TBC1D22A: variants seen among roughly 807,000 people sequenced by gnomAD.
The protein encoded by TBC1D22A is putative GTPase activator.
In TBC1D22A, 38 loss-of-function variants were observed where a neutral mutation model predicts 60.2. That is an observed-to-expected ratio of 0.63 (90% CI 0.49 to 0.83). TBC1D22A has a LOEUF of 0.83. Ranked by LOEUF, TBC1D22A falls within the 40% of genes least tolerant of loss-of-function variation. The pLI, the probability that TBC1D22A is intolerant of heterozygous loss-of-function variation, is 0.00. For synonymous variants in TBC1D22A, 302 were observed against 281.7 expected, an observed-to-expected ratio of 1.07 and a Z score of -0.72; for missense variants, 628 against 701.0, an observed-to-expected ratio of 0.90 and a Z score of 1.18.
At chr22:46,895,751 T>C (rs1023190486) in intron 7 of TBC1D22A, among the ~76,000 whole-genome samples, 1 of 152,232 alleles carries the variant, frequency 6.6e-6, no homozygotes, top group African/African-American at 2.4e-5. Flanking sequence ...TTCCTCACTC[T>C]CCTTCGTCTT....
At position 46,894,854 on chromosome 22, in the gene TBC1D22A, G is replaced by T. The variant is rs748831813; in HGVS notation, c.900+8G>T. ...CAGCCCAAGGTGACGGAGGTAAGAAGCTCTTGCCGTGGGGAGTTCCCCTCG... is the reference window on the plus strand; with the variant it reads ...CAGCCCAAGGTGACGGAGGTAAGAATCTCTTGCCGTGGGGAGTTCCCCTCG... On this transcript the variant is annotated splice_region_variant and intron_variant, in intron 7 of 12. Coordinates refer to ENST00000337137, the MANE Select transcript of TBC1D22A (RefSeq NM_014346.5). 6.2e-7 allele frequency: 1 copy of T among 1,614,170 alleles called. No homozygotes were observed. The highest frequency in any genetic ancestry group is 2.2e-5 in the East Asian group (1 of 44,880).
intron 12 of TBC1D22A, among the ~76,000 whole-genome samples, chr22:47,133,164 G>C (rs957328166): frequency 2.0e-4 from 30 of 152,358 alleles, no homozygotes; most frequent in African/African-American, 7.2e-4. Context: ...AGCATAAATT[G>C]TGGATTAGAA....
At chr22:47,142,267 C>G (rs1245510735) in intron 12 of TBC1D22A, among the ~76,000 whole-genome samples, 1 of 137,370 alleles carries the variant, frequency 7.3e-6, no homozygotes. Flanking sequence ...CCCACCCACC[C>G]ACTCATCCAC....
At chr22:47,124,494 G>C (rs1040272197) in intron 12 of TBC1D22A, among the ~76,000 whole-genome samples, 4 of 152,238 alleles carry the variant, frequency 2.6e-5, no homozygotes, top group African/African-American at 9.6e-5. Flanking sequence ...ACCTGGGCCT[G>C]GCATGGGCAT....
At chr22:46,950,945 G>T (rs2072866424) in intron 8 of TBC1D22A, among the ~76,000 whole-genome samples, 1 of 152,156 alleles carries the variant, frequency 6.6e-6, no homozygotes, top group Non-Finnish European at 1.5e-5. Flanking sequence ...CACATTCCTT[G>T]TAAGTGTTCG....
rs935067335 is a variant in TBC1D22A at position 47,173,933 on chromosome 22, G to A, written c.*307G>A. 8 of 297,182 alleles carry A rather than the reference G, an allele frequency of 2.7e-5. No individual in the cohort carries two copies. The highest frequency in any genetic ancestry group is 1.4e-4 in the Admixed American group (3 of 21,380). The allele number at this position is 297,182 out of a possible 1,614,324, so 18.4% of individuals were successfully genotyped here. A position where few individuals can be genotyped will look rare whatever the true frequency, so the allele number is the denominator to read the frequency against. On this transcript the variant is annotated 3_prime_UTR_variant, in exon 13 of 13. Coordinates refer to ENST00000337137, the MANE Select transcript of TBC1D22A (RefSeq NM_014346.5). The stretch of plus-strand genomic sequence containing the variant: ...CCTTGCCAAATGACTGCCTCGTGCT[G>A]CCCCTAGTCCGGGGCAGCCTAGGAG...
At chr22:47,000,886 T>C (rs750321346) in intron 10 of TBC1D22A, among the ~76,000 whole-genome samples, 1 of 152,070 alleles carries the variant, frequency 6.6e-6, no homozygotes, top group Non-Finnish European at 1.5e-5. Context: ...ATTGAATTGC[T>C]ATCTACAAAA....
chr22:46,910,884 G>C (rs888165772), intron 7 of TBC1D22A, among the ~76,000 whole-genome samples: 1 of 150,334 alleles, frequency 6.7e-6, no homozygotes, highest in East Asian at 1.9e-4. Context: ...TCCAGGCAGC[G>C]GTAGGAGTAC....
At chr22:46,868,455 A>G (rs2067155749) in intron 4 of TBC1D22A, among the ~76,000 whole-genome samples, 1 of 152,198 alleles carries the variant, frequency 6.6e-6, no homozygotes, top group South Asian at 2.1e-4. Flanking sequence ...ATATATATGC[A>G]AATATTCTAA....
chr22:47,105,689 A>T (rs961986106), intron 11 of TBC1D22A, among the ~76,000 whole-genome samples: 1 of 152,244 alleles, frequency 6.6e-6, no homozygotes, highest in Non-Finnish European at 1.5e-5. Flanking sequence ...CAAGCTAAAA[A>T]TTTGGTTTAA....
chr22:46,830,047 G>A (rs1205502692), intron 4 of TBC1D22A, among the ~76,000 whole-genome samples: 2 of 152,238 alleles, frequency 1.3e-5, no homozygotes, highest in African/African-American at 4.8e-5. Flanking sequence ...TGCTGTGAGC[G>A]CAGAGCCCTG....
intron 12 of TBC1D22A, among the ~76,000 whole-genome samples, chr22:47,139,393 G>T (rs1016117012): frequency 6.6e-6 from 1 of 152,234 alleles, no homozygotes; most frequent in Non-Finnish European, 1.5e-5. Flanking sequence ...CTCGAGACAG[G>T]TGTTCACCCA....
rs531697882 is a variant in TBC1D22A, at chr22:47,014,362, C to T, written c.1201+16653C>T. On this transcript the variant is annotated intron_variant, in intron 10 of 12. Transcript: ENST00000337137. ...GGTGAATACAGGTGTCCAGAGCCCT[C>T]TGATGACTCCCATAGCCGCAGGCCT... 6.6e-5 allele frequency among the ~76,000 whole-genome samples: 10 copies of T among 152,258 alleles called. No individual in the cohort carries two copies. The South Asian group carries it at 2.1e-3, about 32-fold the overall frequency.
chr22:46,903,044 G>A (rs569726477), intron 7 of TBC1D22A, among the ~76,000 whole-genome samples: 56 of 152,342 alleles, frequency 3.7e-4, no homozygotes, highest in Admixed American at 1.8e-3. Context: ...GCCGCCTCAC[G>A]TCTCTGCTCT....
At chr22:47,045,345 C>A (rs2062998646) in intron 11 of TBC1D22A, among the ~76,000 whole-genome samples, 1 of 152,164 alleles carries the variant, frequency 6.6e-6, no homozygotes, top group South Asian at 2.1e-4. Flanking sequence ...TGCGACTTCT[C>A]TCTGAGAAGT....
At chr22:46,896,795 C>T (rs1170004093) in intron 7 of TBC1D22A, among the ~76,000 whole-genome samples, 1 of 152,138 alleles carries the variant, frequency 6.6e-6, no homozygotes, top group Non-Finnish European at 1.5e-5. Flanking sequence ...CGTGGACTGG[C>T]CAGTCCCACC....
At chr22:47,142,730 C>T (rs1433267449) in intron 12 of TBC1D22A, among the ~76,000 whole-genome samples, 1 of 77,544 alleles carries the variant, frequency 1.3e-5, no homozygotes, top group African/African-American at 5.6e-5. Context: ...TGTATCCACC[C>T]ACCCACCCCA....
chr22:46,885,364 C>T (rs548377463), intron 5 of TBC1D22A, among the ~76,000 whole-genome samples: 7 of 152,288 alleles, frequency 4.6e-5, no homozygotes, highest in South Asian at 2.1e-4. Flanking sequence ...ACATTAACCA[C>T]GTTTCCTGAG....
intron 2 of TBC1D22A, 102 bp from the exon 3 acceptor site, chr22:46,793,399 T>G: frequency 8.7e-7 from 1 of 1,148,096 alleles, no homozygotes; most frequent in East Asian, 2.5e-5. Flanking sequence ...AGATCAAAGC[T>G]GAACACTTCT....
Sources: allele counts gnomAD v4.1 joint callset (sites outside exome capture counted in the v4.1 genomes callset), GRCh38; gene constraint gnomAD v4.1.1; transcripts MANE v1.5; gene names NCBI Gene and HGNC (gene_info 2026-07-23, HGNC 2026-07-21).